The following NYAP2 variants were observed in gnomAD, a reference collection of about 807,000 sequenced individuals.
NYAP2 encodes neuronal tyrosine-phosphorylated phosphoinositide-3-kinase adaptor 2, also known as neuronal tyrosine-phosphorylated phosphoinositide-3-kinase adapter 2.
NYAP2 carries 23 observed loss-of-function variants against 50.4 expected under a neutral mutation model. The observed-to-expected ratio is 0.46, with a 90% CI of 0.33 to 0.65. The LOEUF is 0.65. Ranked by LOEUF, NYAP2 falls within the 30% of genes least tolerant of loss-of-function variation. The probability of loss-of-function intolerance (pLI) is 0.02; values close to 1 mark genes in which losing one functional copy is unlikely to be tolerated. For missense variants in NYAP2, 885 were observed against 861.0 expected, an observed-to-expected ratio of 1.03 and a Z score of -0.35; for synonymous variants, 394 against 365.2, an observed-to-expected ratio of 1.08 and a Z score of -0.90.
In NYAP2 at chr2:225,582,349, T is replaced by C. The variant is rs763071534; in HGVS notation, c.932T>C (p.Val311Ala). ...GACTTGGACTTCGCCAAGGCCTCAGTGCCATGCCCCCCCAAGGGGCTGCTT... is the reference window on the plus strand; with the variant it reads ...GACTTGGACTTCGCCAAGGCCTCAGCGCCATGCCCCCCCAAGGGGCTGCTT... The change falls in exon 5 of 7, where the codon GTG becomes GCG. Residue 311 changes from valine (V) to alanine (A), a missense_variant. Val to Ala is a moderately conservative substitution (Grantham distance 64). Transcript: ENST00000636099. This position sits in a 1 kb window ranked among gnomAD's most constrained non-coding sequence, Gnocchi z 7.0. 2.5e-6 allele frequency: 4 copies of C among 1,613,660 alleles called. No homozygotes were observed. The highest frequency in any genetic ancestry group is 3.4e-6 in the Non-Finnish European group (4 of 1,179,580).
At chr2:225,408,173 A>G (rs6718836) in intron 2 of NYAP2, among the ~76,000 whole-genome samples, 23,249 of 151,922 alleles carry the variant, frequency 0.15, 2,980 homozygotes, top group African/African-American at 0.36. Context: ...TAACAATGAG[A>G]CAACAGTTGT....
At chr2:225,679,088 C>T in the NYAP2 span, among the ~76,000 whole-genome samples, 9 of 151,956 alleles carry the variant, frequency 5.9e-5, no homozygotes, top group African/African-American at 2.2e-4. Context: ...GTATAAGAAA[C>T]TTGGCAAGTG....
At chr2:225,689,675 C>G in the NYAP2 span, among the ~76,000 whole-genome samples, 4 of 151,852 alleles carry the variant, frequency 2.6e-5, no homozygotes, top group Non-Finnish European at 5.9e-5. Flanking sequence ...TTTCATAAAA[C>G]ATGTGTTCTG....
In NYAP2 at chr2:225,435,617, T is replaced by C. The variant is rs558090396; in HGVS notation, c.221+26516T>C. On this transcript the variant is annotated intron_variant, in intron 3 of 6. Transcript: ENST00000636099. Reference sequence around the variant, plus strand: ...TCATTCCTAATTATTAAAATGCTTATGAATTTTCTACATATTGGTATTTCT... The same window carrying C: ...TCATTCCTAATTATTAAAATGCTTACGAATTTTCTACATATTGGTATTTCT... 2.4e-4 allele frequency among the ~76,000 whole-genome samples: 37 copies of C among 152,360 alleles called. No individual in the cohort carries two copies. In the South Asian group the frequency reaches 7.7e-3, roughly 32 times the overall value.
intron 3 of NYAP2, among the ~76,000 whole-genome samples, chr2:225,506,856 C>T (rs1466370789): frequency 6.6e-6 from 1 of 151,630 alleles, no homozygotes; most frequent in Admixed American, 6.7e-5. Flanking sequence ...TCAGGTGTTC[C>T]CCCATTTAAT....
intron 3 of NYAP2, among the ~76,000 whole-genome samples, chr2:225,471,250 A>G (rs1245623209): frequency 6.6e-6 from 1 of 152,192 alleles, no homozygotes; most frequent in South Asian, 2.1e-4. Context: ...ACAGCTATTC[A>G]TGTCCTCATG....
intron 4 of NYAP2, among the ~76,000 whole-genome samples, chr2:225,574,495 C>A (rs562606727): frequency 6.6e-6 from 1 of 152,312 alleles, no homozygotes; most frequent in Non-Finnish European, 1.5e-5. Context: ...ATCCTCTTTT[C>A]TTTTCTGTAA....
intron 6 of NYAP2, among the ~76,000 whole-genome samples, chr2:225,634,005 C>A (rs980593061): frequency 5.3e-5 from 8 of 152,192 alleles, no homozygotes; most frequent in Non-Finnish European, 2.9e-5. Context: ...CAGTAGATAC[C>A]TTGTCCTCCT....
chr2:225,552,061 C>T (rs758227755), intron 4 of NYAP2, among the ~76,000 whole-genome samples: 1 of 152,176 alleles, frequency 6.6e-6, no homozygotes, highest in Non-Finnish European at 1.5e-5. Flanking sequence ...GTTCCACCTG[C>T]CTCGGCCTCC....
chr2:225,662,216 G>A, the NYAP2 span, among the ~76,000 whole-genome samples: 1 of 152,198 alleles, frequency 6.6e-6, no homozygotes, highest in African/African-American at 2.4e-5. Flanking sequence ...CATGAGGTTG[G>A]GAAAGTAACT....
At chr2:225,699,053 G>A in the NYAP2 span, 1 of 151,824 alleles carries the variant, frequency 6.6e-6, no homozygotes, top group Admixed American at 6.6e-5. Flanking sequence ...TATCATATTT[G>A]TTAAGAGCAT....
At chr2:225,562,766 C>T (rs1383619367) in intron 4 of NYAP2, among the ~76,000 whole-genome samples, 4 of 152,144 alleles carry the variant, frequency 2.6e-5, no homozygotes, top group Non-Finnish European at 4.4e-5. Flanking sequence ...AACTTCCTCT[C>T]ATGTTAGAGC....
chr2:225,419,831 T>C lies in NYAP2; in HGVS notation c.221+10730T>C, dbSNP rs563804575. 2.0e-5 allele frequency among the ~76,000 whole-genome samples: 3 copies of C among 152,240 alleles called. No homozygotes were observed. The South Asian group carries it at 6.2e-4, about 32-fold the overall frequency. On this transcript the variant is annotated intron_variant, in intron 3 of 6. Transcript: ENST00000636099. ...ACAAAGATTCCACTTCCATGTAGAG[T>C]AGAAAGCAATACAGGGGAAGATTGT...
intron 2 of NYAP2, among the ~76,000 whole-genome samples, chr2:225,405,113 A>G (rs1312489285): frequency 1.3e-5 from 2 of 152,030 alleles, no homozygotes; most frequent in East Asian, 3.9e-4. Flanking sequence ...AAAATATCTA[A>G]TTTGTTTTGA....
intron 3 of NYAP2, among the ~76,000 whole-genome samples, chr2:225,409,319 T>C (rs1212001336): frequency 6.6e-6 from 1 of 152,010 alleles, no homozygotes; most frequent in Non-Finnish European, 1.5e-5. Flanking sequence ...TGTGTGTGCA[T>C]ATGCAGCTAC....
intron 4 of NYAP2, among the ~76,000 whole-genome samples, chr2:225,537,677 C>T (rs1227248262): frequency 6.6e-6 from 1 of 152,118 alleles, no homozygotes; most frequent in Non-Finnish European, 1.5e-5. Flanking sequence ...TATCATTCCA[C>T]CCCGACCCCT....
chr2:225,681,069 A>C, the NYAP2 span, among the ~76,000 whole-genome samples: 2 of 152,202 alleles, frequency 1.3e-5, no homozygotes, highest in Non-Finnish European at 2.9e-5. Flanking sequence ...AATATAACCC[A>C]AAAATTTACT....
intron 5 of NYAP2, among the ~76,000 whole-genome samples, chr2:225,587,027 C>T (rs1692400276): frequency 2.0e-5 from 3 of 152,186 alleles, no homozygotes; most frequent in South Asian, 4.2e-4. Flanking sequence ...AGAGAGAGCT[C>T]GCAAGAGCAG....
At position 225,647,460 on chromosome 2, in the gene NYAP2, C is replaced by T. The variant is rs569053223; in HGVS notation, c.1829-3972C>T. 1.3e-4 allele frequency among the ~76,000 whole-genome samples: 20 copies of T among 152,242 alleles called. No homozygotes were observed. The South Asian group carries it at 1.7e-3, about 13-fold the overall frequency. Reference sequence around the variant, plus strand: ...AATGGGTGGGCAGACGTTAAACACCCGCACAAAATCAAGGGAGAATTTTCA... The same window carrying T: ...AATGGGTGGGCAGACGTTAAACACCTGCACAAAATCAAGGGAGAATTTTCA... On this transcript the variant is annotated intron_variant, in intron 6 of 6. Transcript: ENST00000636099.
Sources: allele counts gnomAD v4.1 joint callset (sites outside exome capture counted in the v4.1 genomes callset), GRCh38; gene constraint gnomAD v4.1.1; non-coding constraint Gnocchi (gnomAD v3.1); transcripts MANE v1.5; gene names NCBI Gene and HGNC (gene_info 2026-07-23, HGNC 2026-07-21).